The following DTNB variants were observed in gnomAD, a reference collection of about 807,000 sequenced individuals.
DTNB encodes dystrobrevin beta.
Under a neutral mutation model 90.7 loss-of-function variants are expected in DTNB, and 63 were observed. The ratio of observed to expected loss-of-function variants is 0.69; its 90% CI spans 0.57 to 0.86. DTNB has a LOEUF of 0.86. Ranked by LOEUF, DTNB falls within the 40% of genes least tolerant of loss-of-function variation. The pLI is 0.00. For synonymous variants in DTNB, 277 were observed against 286.7 expected, an observed-to-expected ratio of 0.97 and a Z score of 0.34; for missense variants, 744 against 807.1, an observed-to-expected ratio of 0.92 and a Z score of 0.95.
intron 5 of DTNB, among the ~76,000 whole-genome samples, chr2:25,606,432 G>T (rs1432920411): frequency 3.3e-5 from 5 of 152,056 alleles, no homozygotes; most frequent in Admixed American, 3.3e-4. Flanking sequence ...CTCAGAACAG[G>T]GCTCTGACAT....
intron 11 of DTNB, among the ~76,000 whole-genome samples, chr2:25,451,940 A>G (rs1242837976): frequency 6.6e-6 from 1 of 152,236 alleles, no homozygotes; most frequent in African/African-American, 2.4e-5. Context: ...AGGGATTTCT[A>G]ACCAAATGTT....
At chr2:25,463,678 C>T (rs192365685) in intron 10 of DTNB, among the ~76,000 whole-genome samples, 2 of 152,308 alleles carry the variant, frequency 1.3e-5, no homozygotes, top group African/African-American at 4.8e-5. Context: ...GCTACACGTG[C>T]TGCAGGCACG....
At chr2:25,621,355 C>T (rs569702855) in intron 4 of DTNB, among the ~76,000 whole-genome samples, 1 of 151,412 alleles carries the variant, frequency 6.6e-6, no homozygotes, top group East Asian at 1.9e-4. Flanking sequence ...TTTGTTTCTG[C>T]TTTGTTTTGT....
chr2:25,387,308 C>T lies in DTNB; in HGVS notation c.1806G>A (p.Leu602=). The T allele has an allele frequency of 6.2e-7, 1 of 1,610,898 alleles. No homozygotes were observed. Residue 602 remains leucine (L), a synonymous_variant, in exon 18 of 21, where the codon CTG becomes CTA. Coordinates refer to ENST00000406818, the MANE Select transcript of DTNB (RefSeq NM_021907.5). This position sits in a 1 kb window ranked among gnomAD's most constrained non-coding sequence, Gnocchi z 4.5. ...TTTCACCTGAATGGAGCTCCTTCAC[C>T]AGGGATGACATGGTGTTGGTGATGG... ...ADSITNTMSS[L]VKELHSAEEG... is the part of the protein sequence containing the mutation.
intron 9 of DTNB, among the ~76,000 whole-genome samples, chr2:25,529,974 A>C (rs1305223411): frequency 6.6e-6 from 1 of 152,226 alleles, no homozygotes; most frequent in Non-Finnish European, 1.5e-5. Flanking sequence ...CTGTTTACAA[A>C]GTGGAAGTCA....
chr2:25,655,097 G>A (rs2081808206), intron 1 of DTNB, among the ~76,000 whole-genome samples: 1 of 152,178 alleles, frequency 6.6e-6, no homozygotes, highest in South Asian at 2.1e-4. Context: ...GTTTCTAGTT[G>A]CCAGCATCTG....
At chr2:25,534,778 A>G (rs1250982455) in intron 8 of DTNB, among the ~76,000 whole-genome samples, 118 of 106,752 alleles carry the variant, frequency 1.1e-3, no homozygotes, top group Middle Eastern at 0.016. Flanking sequence ...CCTCCCAGAC[A>G]GGGTGGCCGG....
intron 16 of DTNB, among the ~76,000 whole-genome samples, chr2:25,404,122 C>T (rs2044429457): frequency 1.3e-5 from 2 of 152,188 alleles, no homozygotes; most frequent in South Asian, 2.1e-4. Flanking sequence ...TGTTGTTCTT[C>T]TACTTTGAAA....
At chr2:25,386,402 G>T (rs1270970949) in intron 18 of DTNB, among the ~76,000 whole-genome samples, 1 of 152,176 alleles carries the variant, frequency 6.6e-6, no homozygotes, top group Admixed American at 6.5e-5. Context: ...TAATAATCCT[G>T]TTAAGCTACT....
At chr2:25,596,473 A>G (rs2064665860) in intron 5 of DTNB, 1 of 307,864 alleles carries the variant, frequency 3.2e-6, no homozygotes, top group Non-Finnish European at 5.9e-6. Flanking sequence ...ACATCAAATA[A>G]CCATTCATGT....
At chr2:25,628,423 G>C (rs370983095) in intron 3 of DTNB, 39 bp from the exon 4 acceptor site, 5 of 1,570,216 alleles carry the variant, frequency 3.2e-6, no homozygotes, top group Non-Finnish European at 4.3e-6. Flanking sequence ...CAATTTTAAA[G>C]TGTGGTACTA....
chr2:25,617,376 T>C (rs1484873258), intron 4 of DTNB, among the ~76,000 whole-genome samples: 1 of 152,166 alleles, frequency 6.6e-6, no homozygotes, highest in Non-Finnish European at 1.5e-5. Flanking sequence ...ACCTTTATGT[T>C]TAAGAATACA....
At chr2:25,622,743 T>G (rs982536443) in intron 4 of DTNB, among the ~76,000 whole-genome samples, 1 of 151,892 alleles carries the variant, frequency 6.6e-6, no homozygotes, top group African/African-American at 2.4e-5. Flanking sequence ...ATACAACTAC[T>G]TAGAAAAACA....
chr2:25,576,564 C>T (rs1468997668), intron 8 of DTNB: 1 of 277,154 alleles, frequency 3.6e-6, no homozygotes, highest in Non-Finnish European at 6.7e-6. Flanking sequence ...TCACTTTTTG[C>T]TTTGAAAAGA....
chr2:25,656,752 C>G (rs2082140549), intron 1 of DTNB, among the ~76,000 whole-genome samples: 1 of 152,216 alleles, frequency 6.6e-6, no homozygotes, highest in Non-Finnish European at 1.5e-5. Context: ...ATTGAAACAT[C>G]TCTGATCTTC....
At chr2:25,437,989 C>A (rs1344300537) in intron 12 of DTNB, among the ~76,000 whole-genome samples, 3 of 152,112 alleles carry the variant, frequency 2.0e-5, no homozygotes, top group African/African-American at 7.2e-5. Context: ...ACAGAAAATT[C>A]TTTTTAAATG....
At chr2:25,607,747 CT>C (rs985290043) in intron 4 of DTNB, among the ~76,000 whole-genome samples, 2 of 152,142 alleles carry the variant, frequency 1.3e-5, no homozygotes, top group African/African-American at 4.8e-5. Context: ...TTGTTACATA[CT>C]AAACAACAGG....
chr2:25,538,238 T>A (rs75819450), intron 8 of DTNB, among the ~76,000 whole-genome samples: 46,541 of 150,756 alleles, frequency 0.31, 8,441 homozygotes, highest in East Asian at 0.51. Context: ...CAACAAAAAA[T>A]ATATATATAT....
At chr2:25,662,757 AAG>A (rs1343675380) in intron 1 of DTNB, among the ~76,000 whole-genome samples, 1 of 152,064 alleles carries the variant, frequency 6.6e-6, no homozygotes, top group African/African-American at 2.4e-5. Context: ...AAATTCAGAA[AAG>A]AGAGTATCTC....
Sources: gnomAD v4.1 joint callset for allele counts (sites outside exome capture counted in the v4.1 genomes callset) on GRCh38, gnomAD v4.1.1 for gene constraint, Gnocchi (gnomAD v3.1) non-coding constraint, MANE v1.5 for transcripts, NCBI Gene and HGNC (gene_info 2026-07-23, HGNC 2026-07-21) for gene names.